RARB: variants seen among roughly 807,000 people sequenced by gnomAD.
RARB encodes retinoic acid receptor beta.
RARB carries 17 observed loss-of-function variants against 51.9 expected under a neutral mutation model. The observed-to-expected ratio is 0.33, with a 90% confidence interval of 0.22 to 0.49. The LOEUF (loss-of-function observed/expected upper bound fraction) is 0.49, where lower values mean the gene tolerates loss of function less well. Ranked by LOEUF, RARB falls within the 20% of genes least tolerant of loss-of-function variation. The pLI is 0.99. For synonymous variants in RARB, 215 were observed against 195.4 expected (o/e 1.10, Z -0.84); for missense variants, 369 against 550.8 (o/e 0.67, Z 3.30).
intron 1 of RARB, among the ~76,000 whole-genome samples, chr3:25,459,167 G>A (rs1478971723): frequency 2.0e-5 from 3 of 152,182 alleles, no homozygotes; most frequent in East Asian, 1.9e-4. Context: ...GAGTGACCAG[G>A]AATGGAGAGG....
At chr3:25,241,211 T>G (rs1702422694) in intron 5 of RARB, among the ~76,000 whole-genome samples, 1 of 152,222 alleles carries the variant, frequency 6.6e-6, no homozygotes, top group Non-Finnish European at 1.5e-5. Flanking sequence ...CATTTACATA[T>G]ATTTGTACAA....
chr3:25,586,176 C>T (rs1575543905), intron 5 of RARB, among the ~76,000 whole-genome samples: 1 of 152,208 alleles, frequency 6.6e-6, no homozygotes, highest in East Asian at 1.9e-4. Flanking sequence ...GTCTAGGTTA[C>T]CCACCCTCTT....
At chr3:25,241,602 G>T (rs1702432504) in intron 5 of RARB, among the ~76,000 whole-genome samples, 2 of 152,188 alleles carry the variant, frequency 1.3e-5, no homozygotes, top group South Asian at 4.1e-4. Flanking sequence ...TGCTGAGAAT[G>T]ATGGCTTCCA....
exon 5 of RARB, chr3:25,174,211 A>C: frequency 2.8e-6 from 1 of 351,630 alleles, no homozygotes. Context: ...TAATCAGTGT[A>C]GCAAAATGAC....
chr3:25,174,423 C>T (rs1447364463), exon 5 of RARB: 3 of 1,352,114 alleles, frequency 2.2e-6, no homozygotes, highest in Non-Finnish European at 2.0e-6. Flanking sequence ...CACGCATGTC[C>T]GGTCCCAGCA....
chr3:25,366,686 T>C (rs1257712471), intron 5 of RARB, among the ~76,000 whole-genome samples: 1 of 152,254 alleles, frequency 6.6e-6, no homozygotes, highest in Non-Finnish European at 1.5e-5. Flanking sequence ...GGACTTGTTC[T>C]TATCAATCTA....
chr3:24,938,087 T>A (rs950351840), intron 2 of RARB, among the ~76,000 whole-genome samples: 1 of 151,882 alleles, frequency 6.6e-6, no homozygotes, highest in Admixed American at 6.6e-5. Context: ...GTGGTGATTG[T>A]TTGAGGGAGG....
At chr3:25,535,790 C>G (rs1166460828) in intron 3 of RARB, among the ~76,000 whole-genome samples, 1 of 152,184 alleles carries the variant, frequency 6.6e-6, no homozygotes, top group Non-Finnish European at 1.5e-5. Context: ...ATCCCTGCTT[C>G]ATTAAGTTGC....
In RARB at chr3:25,041,876, G is replaced by C. The variant is rs143031599; in HGVS notation, c.-379-18249G>C. Among the ~76,000 whole-genome samples, 1,278 of 152,142 alleles carry C rather than the reference G, an allele frequency of 8.4e-3. 8 individuals are homozygous for C. Among genetic ancestry groups the C allele is most frequent in the Middle Eastern group, 0.017 (5 of 294 alleles). On this transcript the variant is annotated intron_variant, in intron 2 of 11. Transcript: ENST00000383772. ...AATTAATTAAATTTAAGTGGAGGTGGTAATATAGCATCCATGGAACATGAG... is the reference window on the plus strand; with the variant it reads ...AATTAATTAAATTTAAGTGGAGGTGCTAATATAGCATCCATGGAACATGAG...
chr3:25,316,758 C>G (rs77989420), intron 5 of RARB, among the ~76,000 whole-genome samples: 3,894 of 152,210 alleles, frequency 0.026, 156 homozygotes, highest in African/African-American at 0.085. Flanking sequence ...ATGACAATGA[C>G]GAGATTTTCT....
intron 3 of RARB, among the ~76,000 whole-genome samples, chr3:25,094,122 T>C (rs1260134921): frequency 6.6e-6 from 1 of 152,162 alleles, no homozygotes; most frequent in Admixed American, 6.5e-5. Context: ...CCTTAAGAAC[T>C]AGCCATTGAG....
intron 3 of RARB, among the ~76,000 whole-genome samples, chr3:25,073,221 C>T (rs185592650): frequency 6.6e-6 from 1 of 152,154 alleles, no homozygotes; most frequent in African/African-American, 2.4e-5. Flanking sequence ...GAAAGCATGA[C>T]GATCATGAAG....
intron 3 of RARB, among the ~76,000 whole-genome samples, chr3:25,503,266 G>A (rs572268010): frequency 6.6e-6 from 1 of 152,232 alleles, no homozygotes; most frequent in African/African-American, 2.4e-5. Context: ...TTATTCCTAT[G>A]TGTGAGATTC....
At chr3:25,013,841 T>G (rs1329814036) in intron 2 of RARB, among the ~76,000 whole-genome samples, 1 of 152,122 alleles carries the variant, frequency 6.6e-6, no homozygotes, top group Non-Finnish European at 1.5e-5. Context: ...TACTCAGGTT[T>G]GTTTTTATCA....
intron 5 of RARB, among the ~76,000 whole-genome samples, chr3:25,247,919 C>T (rs185718412): frequency 6.6e-6 from 1 of 152,230 alleles, no homozygotes; most frequent in Admixed American, 6.5e-5. Context: ...CAGTTTAAAT[C>T]TAGTATTTCT....
chr3:24,885,150 A>G (rs1703244080), intron 2 of RARB, among the ~76,000 whole-genome samples: 1 of 152,160 alleles, frequency 6.6e-6, no homozygotes, highest in Non-Finnish European at 1.5e-5. Context: ...AGAGAGTGAC[A>G]TTAATGATTA....
chr3:25,552,475 G>A (rs928037893), intron 3 of RARB, among the ~76,000 whole-genome samples: 2 of 151,752 alleles, frequency 1.3e-5, no homozygotes, highest in African/African-American at 4.8e-5. Flanking sequence ...AGGGGCGGGG[G>A]GAACATTCTC....
chr3:24,985,838 C>G (rs1313623680), intron 2 of RARB, among the ~76,000 whole-genome samples: 2 of 152,208 alleles, frequency 1.3e-5, no homozygotes, highest in Admixed American at 1.3e-4. Flanking sequence ...GCCGCGTTGG[C>G]AGCCATGAGC....
intron 3 of RARB, among the ~76,000 whole-genome samples, chr3:25,085,001 T>C (rs1575153470): frequency 6.6e-6 from 1 of 152,138 alleles, no homozygotes; most frequent in Non-Finnish European, 1.5e-5. Flanking sequence ...TCTTTAAATA[T>C]GAAATTACAA....
Sources: gnomAD v4.1 joint callset for allele counts (sites outside exome capture counted in the v4.1 genomes callset) on GRCh38, gnomAD v4.1.1 for gene constraint, MANE v1.5 for transcripts, NCBI Gene and HGNC (gene_info 2026-07-23, HGNC 2026-07-21) for gene names.